COL21A1: variants seen among roughly 807,000 people sequenced by gnomAD.
COL21A1 encodes the protein collagen type XXI alpha 1 chain.
A neutral mutation model predicts 137.9 loss-of-function variants in COL21A1; 149 were observed. That is an observed-to-expected ratio of 1.08 (90% CI 0.95 to 1.24). The LOEUF is 1.24. Among genes scored for constraint, COL21A1 ranks in the 50% most tolerant of loss-of-function variants. The probability of loss-of-function intolerance (pLI) is 0.00; values close to 1 mark genes in which losing one functional copy is unlikely to be tolerated. For synonymous variants in COL21A1, 456 were observed against 391.5 expected, an observed-to-expected ratio of 1.16 and a Z score of -1.95; for missense variants, 1,167 against 1,158.4, an observed-to-expected ratio of 1.01 and a Z score of -0.11.
intron 10 of COL21A1, among the ~76,000 whole-genome samples, chr6:56,150,335 G>A (rs1292330636): frequency 6.6e-6 from 1 of 152,040 alleles, no homozygotes; most frequent in Non-Finnish European, 1.5e-5. Flanking sequence ...TAGCTAACAC[G>A]GTGAAACCCC....
intron 10 of COL21A1, among the ~76,000 whole-genome samples, chr6:56,149,188 A>G (rs1202713495): frequency 2.0e-5 from 3 of 152,194 alleles, no homozygotes. Context: ...GTTACCTCAA[A>G]TGCAAAAATA....
chr6:56,277,486 T>G (rs1763696066), intron 1 of COL21A1, among the ~76,000 whole-genome samples: 1 of 152,220 alleles, frequency 6.6e-6, no homozygotes, highest in Non-Finnish European at 1.5e-5. Flanking sequence ...CATACATCAC[T>G]CTAGCAGGTA....
At chr6:56,139,273 A>AT (rs1265315412) in intron 12 of COL21A1, among the ~76,000 whole-genome samples, 1 of 152,192 alleles carries the variant, frequency 6.6e-6, no homozygotes, top group Non-Finnish European at 1.5e-5. Flanking sequence ...AATTTAGGCC[A>AT]ACCACATGCA....
rs892244494 is a variant in COL21A1, at chr6:56,093,091, C to A, written c.1812+8381G>T. Among the ~76,000 whole-genome samples, 7 of 152,116 alleles carry A rather than the reference C, an allele frequency of 4.6e-5. No individual in the cohort carries two copies. In the East Asian group the frequency reaches 1.4e-3, roughly 29 times the overall value. ...ACATTTAGGGTCCACTGGGATAAGC[C>A]AAGATAATCTCCCTATGACAAGATA... On this transcript the variant is annotated intron_variant, in intron 17 of 29. Coordinates refer to ENST00000244728, the MANE Select transcript of COL21A1 (RefSeq NM_030820.4).
chr6:56,347,517 T>TTAAAAA (rs1554184704), intron 1 of COL21A1, among the ~76,000 whole-genome samples: 1 of 127,178 alleles, frequency 7.9e-6, no homozygotes. Flanking sequence ...AGGAAGCATT[T>TTAAAAA]AAAAAAAAAA....
Position 56,124,336 on chromosome 6 carries a change from GT to G in COL21A1, c.1651-45del, listed in dbSNP as rs1306765339. ...CTTAAAACACAATCTTTACAATAAT[GT>G]TTTCAAGTTCCAACCAAAACTTAAA... is the stretch of plus-strand genomic sequence containing the variant. On this transcript the variant is annotated intron_variant, in intron 14 of 29. Transcript: ENST00000244728. 1.9e-6 allele frequency: 3 copies of G among 1,541,998 alleles called. No homozygotes were observed. In the African/African-American group the frequency reaches 4.1e-5, roughly 21 times the overall value.
At chr6:56,109,003 T>C (rs1473976463) in intron 16 of COL21A1, among the ~76,000 whole-genome samples, 1 of 151,652 alleles carries the variant, frequency 6.6e-6, no homozygotes, top group Non-Finnish European at 1.5e-5. Context: ...AAAACTAGAA[T>C]TACAAAATTT....
At chr6:56,304,831 T>A (rs1764401706) in intron 1 of COL21A1, among the ~76,000 whole-genome samples, 1 of 152,248 alleles carries the variant, frequency 6.6e-6, no homozygotes, top group African/African-American at 2.4e-5. Flanking sequence ...TGTTAGGGTG[T>A]CCATTTTAGA....
intron 1 of COL21A1, among the ~76,000 whole-genome samples, chr6:56,229,068 C>T (rs1781384800): frequency 1.3e-5 from 2 of 151,666 alleles, no homozygotes; most frequent in East Asian, 3.9e-4. Flanking sequence ...TGATGCTTTC[C>T]AACTTTTCTA....
intron 12 of COL21A1, among the ~76,000 whole-genome samples, chr6:56,129,682 G>A (rs1773347560): frequency 9.8e-6 from 1 of 101,950 alleles, no homozygotes; most frequent in Non-Finnish European, 2.0e-5. Flanking sequence ...GTGCGTGTGT[G>A]TGTGTGTGTG....
At chr6:56,198,527 TG>T (rs1247961747) in intron 1 of COL21A1, among the ~76,000 whole-genome samples, 1 of 152,006 alleles carries the variant, frequency 6.6e-6, no homozygotes, top group Non-Finnish European at 1.5e-5. Flanking sequence ...GGGGTAAAAT[TG>T]TTAAACCTCA....
chr6:56,095,653 C>T (rs1436387590), intron 17 of COL21A1, among the ~76,000 whole-genome samples: 1 of 152,158 alleles, frequency 6.6e-6, no homozygotes, highest in East Asian at 1.9e-4. Context: ...CAGTTCTTCT[C>T]AGAGTATGCT....
intron 1 of COL21A1, among the ~76,000 whole-genome samples, chr6:56,217,103 TAA>T (rs1780533187): frequency 6.6e-6 from 1 of 152,080 alleles, no homozygotes; most frequent in Admixed American, 6.6e-5. Flanking sequence ...GAAAATATAT[TAA>T]GTTTCCAAAT....
upstream of COL21A1, among the ~76,000 whole-genome samples, chr6:56,252,231 C>A (rs1782870204): frequency 6.6e-6 from 1 of 152,232 alleles, no homozygotes; most frequent in Non-Finnish European, 1.5e-5. Context: ...CCAATTACTA[C>A]AAGCTACAGC....
At chr6:56,374,224 C>T (rs1241255945) in intron 1 of COL21A1, among the ~76,000 whole-genome samples, 6 of 152,170 alleles carry the variant, frequency 3.9e-5, no homozygotes, top group African/African-American at 7.2e-5. Flanking sequence ...AAAGACCTTA[C>T]GGAATGGATG....
chr6:56,308,396 T>C (rs1003745731), intron 1 of COL21A1, among the ~76,000 whole-genome samples: 6 of 152,254 alleles, frequency 3.9e-5, no homozygotes, highest in African/African-American at 1.2e-4. Flanking sequence ...CAGCCTGTGA[T>C]ATTTTTGTTA....
At chr6:56,084,106 T>C (rs1161850551) in intron 17 of COL21A1, among the ~76,000 whole-genome samples, 1 of 151,928 alleles carries the variant, frequency 6.6e-6, no homozygotes, top group East Asian at 1.9e-4. Context: ...GGTGAAACAC[T>C]AGACATTTCT....
chr6:56,239,449 C>G (rs1302827370), intron 1 of COL21A1, among the ~76,000 whole-genome samples: 2 of 152,106 alleles, frequency 1.3e-5, no homozygotes, highest in African/African-American at 4.8e-5. Context: ...TCTACCATCT[C>G]ACAACCCAAA....
chr6:56,278,331 CACATCCCTGTGT>C (rs1283144494), intron 1 of COL21A1, among the ~76,000 whole-genome samples: 2 of 152,180 alleles, frequency 1.3e-5, no homozygotes, highest in Admixed American at 6.5e-5. Context: ...TTCCAGCTGA[CACATCCCTGTGT>C]ACAAGCCAGA....
Sources: allele counts gnomAD v4.1 joint callset (sites outside exome capture counted in the v4.1 genomes callset), GRCh38; gene constraint gnomAD v4.1.1; transcripts MANE v1.5; gene names NCBI Gene and HGNC (gene_info 2026-07-23, HGNC 2026-07-21).